The following SMYD3 variants were observed in gnomAD, a reference collection of about 807,000 sequenced individuals.
SMYD3 encodes histone-lysine N-methyltransferase SMYD3.
SMYD3 carries 36 observed loss-of-function variants against 57.7 expected under a neutral mutation model. The observed-to-expected ratio is 0.62, with a 90% CI of 0.48 to 0.82. The LOEUF (loss-of-function observed/expected upper bound fraction) is 0.82, where lower values mean the gene tolerates loss of function less well. Ranked by LOEUF, SMYD3 falls within the 40% of genes least tolerant of loss-of-function variation. SMYD3 has a pLI of 0.00. For missense variants in SMYD3, 515 were observed against 538.8 expected (o/e 0.96, Z 0.44); for synonymous variants, 211 against 195.0 (o/e 1.08, Z -0.68).
chr1:246,473,354 T>C (rs1235653559), intron 1 of SMYD3, among the ~76,000 whole-genome samples: 2 of 152,198 alleles, frequency 1.3e-5, no homozygotes, highest in Non-Finnish European at 2.9e-5. Flanking sequence ...ATTCATTTTA[T>C]GTTATATATT....
chr1:246,146,083 G>A (rs2061838132), intron 5 of SMYD3, among the ~76,000 whole-genome samples: 1 of 152,160 alleles, frequency 6.6e-6, no homozygotes, highest in Non-Finnish European at 1.5e-5. Context: ...ATCGCAAGAA[G>A]GTAGAGGGTA....
At chr1:246,405,262 A>G (rs75256959) in intron 1 of SMYD3, among the ~76,000 whole-genome samples, 3,347 of 152,228 alleles carry the variant, frequency 0.022, 62 homozygotes, top group East Asian at 0.083. Flanking sequence ...ATACAGTATG[A>G]TATTTTTACA....
At chr1:246,043,952 C>T (rs925236567) in intron 5 of SMYD3, among the ~76,000 whole-genome samples, 38 of 152,252 alleles carry the variant, frequency 2.5e-4, no homozygotes, top group Admixed American at 8.5e-4. Flanking sequence ...CGCACATTCA[C>T]CTTTAGGAAT....
At chr1:246,215,255 T>C (rs1042839569) in intron 5 of SMYD3, among the ~76,000 whole-genome samples, 1 of 152,200 alleles carries the variant, frequency 6.6e-6, no homozygotes, top group African/African-American at 2.4e-5. Flanking sequence ...TCTATGTATA[T>C]TGTCATGGGG....
intron 10 of SMYD3, among the ~76,000 whole-genome samples, chr1:245,822,962 G>T (rs1293047931): frequency 6.6e-6 from 1 of 152,176 alleles, no homozygotes; most frequent in Non-Finnish European, 1.5e-5. Context: ...TCGTGTTCTT[G>T]TCAGTCCTGA....
At chr1:245,933,945 C>T (rs916545762) in intron 5 of SMYD3, among the ~76,000 whole-genome samples, 10 of 152,038 alleles carry the variant, frequency 6.6e-5, no homozygotes, top group Admixed American at 2.6e-4. Flanking sequence ...CACTTCCCAG[C>T]CCCCTCCCCC....
At chr1:246,003,913 C>A (rs2059125782) in intron 5 of SMYD3, among the ~76,000 whole-genome samples, 1 of 152,064 alleles carries the variant, frequency 6.6e-6, no homozygotes, top group African/African-American at 2.4e-5. Flanking sequence ...ATACTGGGAC[C>A]CACGACTTGG....
rs2065697811 is a variant in SMYD3, at chr1:246,345,413, G to A, written c.228+9618C>T. Among the ~76,000 whole-genome samples, 12 of 152,252 alleles carry A rather than the reference G, an allele frequency of 7.9e-5. No homozygotes were observed. The South Asian group carries it at 2.5e-3, about 32-fold the overall frequency. On this transcript the variant is annotated intron_variant, in intron 2 of 11. Coordinates refer to ENST00000490107, the MANE Select transcript of SMYD3 (RefSeq NM_001167740.2). ...ATATTTTTATTTCTGAATACAGGTTGAGTATGCCTTATTTGAAATACCTGG... is the reference window on the plus strand; with the variant it reads ...ATATTTTTATTTCTGAATACAGGTTAAGTATGCCTTATTTGAAATACCTGG...
chr1:245,984,017 T>TA (rs918495200), intron 5 of SMYD3, among the ~76,000 whole-genome samples: 4 of 150,608 alleles, frequency 2.7e-5, no homozygotes, highest in South Asian at 2.1e-4. Flanking sequence ...TTTTTTTTTT[T>TA]AAATGGAGTT....
rs1307881494 is a variant in SMYD3, at chr1:246,481,621, T to TATATATATATATATATATATAC, written c.164+25432_164+25433insGTATATATATATATATATATAT. 9.6e-4 allele frequency among the ~76,000 whole-genome samples: 94 copies of TATATATATATATATATATATAC among 98,422 alleles called. 2 individuals are homozygous for TATATATATATATATATATATAC. The highest frequency in any genetic ancestry group is 6.0e-3 in the Middle Eastern group (1 of 166). The allele number at this position is 98,422 out of a possible 152,430, so 64.6% of individuals were successfully genotyped here. On this transcript the variant is annotated intron_variant, in intron 1 of 11. Coordinates refer to ENST00000490107, the MANE Select transcript of SMYD3 (RefSeq NM_001167740.2). ...ATATATATATATACACATACATATA[T>TATATATATATATATATATATAC]ACATACATACATACACATATTCATA... is the stretch of plus-strand genomic sequence containing the variant.
At chr1:246,029,198 TAGAC>T (rs1394196439) in intron 5 of SMYD3, among the ~76,000 whole-genome samples, 1 of 152,070 alleles carries the variant, frequency 6.6e-6, no homozygotes, top group Non-Finnish European at 1.5e-5. Flanking sequence ...CCAACAAAAA[TAGAC>T]AAATGGCACT....
chr1:246,504,424 T>G (rs184108069), intron 1 of SMYD3, among the ~76,000 whole-genome samples: 13 of 152,190 alleles, frequency 8.5e-5, no homozygotes, highest in Non-Finnish European at 7.3e-5. Context: ...CTGAATACTG[T>G]AGGTAACTGT....
At chr1:245,871,576 G>C (rs990143949) in intron 8 of SMYD3, among the ~76,000 whole-genome samples, 1 of 152,212 alleles carries the variant, frequency 6.6e-6, no homozygotes, top group Non-Finnish European at 1.5e-5. Context: ...CAATTAATCA[G>C]CAAATGTACA....
chr1:246,054,169 T>A (rs12410540), intron 5 of SMYD3, among the ~76,000 whole-genome samples: 3,027 of 152,224 alleles, frequency 0.02, 146 homozygotes, highest in South Asian at 0.16. Context: ...CTTAAAAAGA[T>A]AAGCAGTAGC....
At chr1:245,775,152 G>C (rs1334859794) in intron 10 of SMYD3, among the ~76,000 whole-genome samples, 1 of 152,088 alleles carries the variant, frequency 6.6e-6, no homozygotes, top group Non-Finnish European at 1.5e-5. Flanking sequence ...ATCTCCGCCC[G>C]GCAGCCGCCC....
intron 5 of SMYD3, among the ~76,000 whole-genome samples, chr1:246,261,363 G>GTT (rs201917375): frequency 2.8e-5 from 4 of 142,210 alleles, no homozygotes; most frequent in African/African-American, 7.7e-5. Context: ...AGCTCTCTTT[G>GTT]TTTTTTTTTT....
intron 5 of SMYD3, among the ~76,000 whole-genome samples, chr1:246,049,397 C>G (rs911200170): frequency 6.6e-6 from 1 of 152,076 alleles, no homozygotes; most frequent in Admixed American, 6.5e-5. Flanking sequence ...CCCGGGTTCA[C>G]GCCATTCTCC....
intron 7 of SMYD3, among the ~76,000 whole-genome samples, chr1:245,922,226 T>A (rs2056022503): frequency 6.6e-6 from 1 of 152,328 alleles, no homozygotes; most frequent in East Asian, 1.9e-4. Flanking sequence ...CAAACTTGTA[T>A]GTATTTGTAT....
chr1:245,949,203 A>G (rs1483533699), intron 5 of SMYD3, among the ~76,000 whole-genome samples: 1 of 152,118 alleles, frequency 6.6e-6, no homozygotes, highest in Non-Finnish European at 1.5e-5. Context: ...ACCTACCACC[A>G]GCACCCAAGC....
Sources: allele counts gnomAD v4.1 joint callset (sites outside exome capture counted in the v4.1 genomes callset), GRCh38; gene constraint gnomAD v4.1.1; transcripts MANE v1.5; gene names NCBI Gene and HGNC (gene_info 2026-07-23, HGNC 2026-07-21).